Variants in PLAGL1 observed in about 807,000 individuals in gnomAD.
PLAGL1 encodes PLAG1 like zinc finger 1, also known as zinc finger protein PLAGL1.
In PLAGL1, 1 loss-of-function variant was observed where a neutral mutation model predicts 4.6. The ratio of observed to expected loss-of-function variants is 0.22; its 90% CI spans 0.08 to 1.03. PLAGL1 has a LOEUF of 1.03. Among genes scored for constraint, PLAGL1 ranks in the 50% least tolerant of loss-of-function variants. The probability of loss-of-function intolerance (pLI) is 0.58; values close to 1 mark genes in which losing one functional copy is unlikely to be tolerated. For missense variants in PLAGL1, 464 were observed against 570.4 expected (o/e 0.81, Z 1.90); for synonymous variants, 240 against 237.8 (o/e 1.01, Z -0.08).
At position 144,005,520 on chromosome 6, in the gene PLAGL1, A is replaced by G. The variant is rs140774179; in HGVS notation, c.-584+2570T>C. Reference sequence around the variant, plus strand: ...AGCTTGATCTCATAACATAAAATATATACATCTCAATATATACATGTCTCA... The same window carrying G: ...AGCTTGATCTCATAACATAAAATATGTACATCTCAATATATACATGTCTCA... On this transcript the variant is annotated intron_variant, in intron 1 of 7. Coordinates refer to ENST00000674357, the MANE Select transcript of PLAGL1 (RefSeq NM_001317162.2). The surrounding 1 kb of genome is among the most constrained non-coding windows in gnomAD (Gnocchi z 4.6). 37 of 152,296 alleles carry G rather than the reference A, an allele frequency of 2.4e-4. No individual in the cohort carries two copies. The highest frequency in any genetic ancestry group is 8.9e-4 in the African/African-American group (37 of 41,576). The allele number at this position is 152,296 out of a possible 1,614,324, so 9.4% of individuals were successfully genotyped here. A position where few individuals can be genotyped will look rare whatever the true frequency, so the allele number is the denominator to read the frequency against.
At position 143,957,727 on chromosome 6, in the gene PLAGL1, G is replaced by A. The variant is rs775892561; in HGVS notation, c.-325+2742C>T. ...GCCTGGTTTGTGAGTGAAAATCACC[G>A]GAATGACCTTGAAGGATCTGAGATC... On this transcript the variant is annotated intron_variant, in intron 6 of 7. Coordinates refer to ENST00000674357, the MANE Select transcript of PLAGL1 (RefSeq NM_001317162.2). The surrounding 1 kb of genome is among the most constrained non-coding windows in gnomAD (Gnocchi z 4.2). Among the ~76,000 whole-genome samples, 47 of 152,136 alleles carry A rather than the reference G, an allele frequency of 3.1e-4. No homozygotes were observed. The highest frequency in any genetic ancestry group is 4.4e-4 in the Non-Finnish European group (30 of 68,022).
rs1583298116 is a variant in PLAGL1, at chr6:143,970,177, G to A, written c.-543-1199C>T. On this transcript the variant is annotated intron_variant, in intron 2 of 7. Transcript: ENST00000674357. This position sits in a 1 kb window ranked among gnomAD's most constrained non-coding sequence, Gnocchi z 5.8. The stretch of plus-strand genomic sequence containing the variant: ...GACCAAAAAGGCTGCTGTTGTATGT[G>A]TTTTTAAAATAACGAAACCATATCA... Among the ~76,000 whole-genome samples, 1 of 152,260 alleles carries A rather than the reference G, an allele frequency of 6.6e-6. No individual in the cohort carries two copies. The highest frequency in any genetic ancestry group is 1.9e-4 in the East Asian group (1 of 5,182).
intron 1 of PLAGL1, among the ~76,000 whole-genome samples, chr6:143,996,613 C>CTTTT (rs113499225): frequency 7.5e-6 from 1 of 133,646 alleles, no homozygotes; most frequent in African/African-American, 2.8e-5. Context: ...TATTTATTCC[C>CTTTT]TTTTTTTTTT....
rs1367520707 is a variant in PLAGL1, at chr6:144,063,281, T to C, written c.-151+1187A>G. Among the ~76,000 whole-genome samples, 1 of 152,174 alleles carries C rather than the reference T, an allele frequency of 6.6e-6. No homozygotes were observed. Among genetic ancestry groups the C allele is most frequent in the East Asian group, 1.9e-4 (1 of 5,196 alleles). On this transcript the variant is annotated intron_variant, in intron 1 of 3. Coordinates refer to the PLAGL1 transcript ENST00000437412. The surrounding 1 kb of genome is among the most constrained non-coding windows in gnomAD (Gnocchi z 5.7). Reference sequence around the variant, plus strand: ...TATTACAAGTTCTCTGGGGCCACTTTACAGATGATAAAACTGGGCTGAAAA... The same window carrying C: ...TATTACAAGTTCTCTGGGGCCACTTCACAGATGATAAAACTGGGCTGAAAA...
chr6:144,041,183 C>CTT (rs879857862), intron 1 of PLAGL1, among the ~76,000 whole-genome samples: 3,309 of 151,800 alleles, frequency 0.022, 121 homozygotes, highest in African/African-American at 0.073. Context: ...ACTATTCCAA[C>CTT]TTTCTATATA....
chr6:144,056,618 T>C lies in PLAGL1; in HGVS notation c.-151+7850A>G, dbSNP rs566568080. ...GGCTTCTTTCACTTAGTAATATGCA[T>C]TTAAGATTCCTCCATGTCCTTTCAT... is the stretch of plus-strand genomic sequence containing the variant. On this transcript the variant is annotated intron_variant, in intron 1 of 3. Coordinates refer to the PLAGL1 transcript ENST00000437412. The surrounding 1 kb of genome is among the most constrained non-coding windows in gnomAD (Gnocchi z 4.7). 6.6e-6 allele frequency among the ~76,000 whole-genome samples: 1 copy of C among 152,194 alleles called. No homozygotes were observed. The highest frequency in any genetic ancestry group is 2.1e-4 in the South Asian group (1 of 4,830).
At chr6:144,010,106 G>A (rs995752879), upstream of PLAGL1, among the ~76,000 whole-genome samples, 5 of 152,062 alleles carry the variant, frequency 3.3e-5, no homozygotes, top group East Asian at 1.9e-4. This position sits in a 1 kb window ranked among gnomAD's most constrained non-coding sequence, Gnocchi z 4.1. Context: ...TGTCTTCCAC[G>A]ATGGTTGAAC....
In PLAGL1 at chr6:143,990,125, T is replaced by C. The variant is rs1160969739; in HGVS notation, c.-583-4951A>G. ...TATGCTCTGATATTCCCCAATTTTT[T>C]TTTTTTTCTTTTTTGAGATGGAGTC... On this transcript the variant is annotated intron_variant, in intron 1 of 7. Coordinates refer to ENST00000674357, the MANE Select transcript of PLAGL1 (RefSeq NM_001317162.2). This position sits in a 1 kb window ranked among gnomAD's most constrained non-coding sequence, Gnocchi z 5.4. Among the ~76,000 whole-genome samples, 1 of 152,106 alleles carries C rather than the reference T, an allele frequency of 6.6e-6. No homozygotes were observed. The highest frequency in any genetic ancestry group is 6.6e-5 in the Admixed American group (1 of 15,266).
At position 143,954,001 on chromosome 6, in the gene PLAGL1, G is replaced by A. The variant is rs1393902142; in HGVS notation, c.-324-5541C>T. On this transcript the variant is annotated intron_variant, in intron 6 of 7. Transcript: ENST00000674357. This position sits in a 1 kb window ranked among gnomAD's most constrained non-coding sequence, Gnocchi z 5.1. The stretch of plus-strand genomic sequence containing the variant: ...CGCTATGGAGACTGTATGAAAGTGG[G>A]GGAGTAGCCTGACACAGGGTGAATG... 1.3e-5 allele frequency among the ~76,000 whole-genome samples: 2 copies of A among 152,176 alleles called. No individual in the cohort carries two copies. The highest frequency in any genetic ancestry group is 2.9e-5 in the Non-Finnish European group (2 of 68,044).
At chr6:143,998,926 A>C (rs186943409) in intron 1 of PLAGL1, among the ~76,000 whole-genome samples, 4 of 152,332 alleles carry the variant, frequency 2.6e-5, no homozygotes, top group Admixed American at 2.0e-4. Context: ...AAAGTAAGTT[A>C]GGACCAGACA....
rs1247826058 is a variant in PLAGL1 at position 144,040,973 on chromosome 6, G to A, written c.-151+23495C>T. Among the ~76,000 whole-genome samples, 3 of 152,154 alleles carry A rather than the reference G, an allele frequency of 2.0e-5. No individual in the cohort carries two copies. In the East Asian group the frequency reaches 5.8e-4, roughly 29 times the overall value. Reference sequence around the variant, plus strand: ...AATAATCTTTAAAACCCTTAGGTGGGAAAAAGAGAGAATATAGTAGTTAGA... The same window carrying A: ...AATAATCTTTAAAACCCTTAGGTGGAAAAAAGAGAGAATATAGTAGTTAGA... On this transcript the variant is annotated intron_variant, in intron 1 of 3. Coordinates refer to the PLAGL1 transcript ENST00000437412.
Position 143,965,579 on chromosome 6 carries a change from C to T in PLAGL1, c.-431+579G>A, listed in dbSNP as rs990500246. On this transcript the variant is annotated intron_variant, in intron 4 of 7. Coordinates refer to ENST00000674357, the MANE Select transcript of PLAGL1 (RefSeq NM_001317162.2). This position sits in a 1 kb window ranked among gnomAD's most constrained non-coding sequence, Gnocchi z 7.5. Reference sequence around the variant, plus strand: ...GATGGTCTCCTTGGGGTTTGAGGCACAAAGCCCCCTCTAGCTATTTTAGTT... The same window carrying T: ...GATGGTCTCCTTGGGGTTTGAGGCATAAAGCCCCCTCTAGCTATTTTAGTT... 2 of 152,166 alleles carry T rather than the reference C, an allele frequency of 1.3e-5. No individual in the cohort carries two copies. The highest frequency in any genetic ancestry group is 1.3e-4 in the Admixed American group (2 of 15,278). The allele number at this position is 152,166 out of a possible 1,614,324, so 9.4% of individuals were successfully genotyped here. A position where few individuals can be genotyped will look rare whatever the true frequency, so the allele number is the denominator to read the frequency against.
intron 1 of PLAGL1, among the ~76,000 whole-genome samples, chr6:144,029,080 A>G (rs1458049937): frequency 6.6e-6 from 1 of 152,220 alleles, no homozygotes; most frequent in Non-Finnish European, 1.5e-5. Context: ...GATATTATTT[A>G]TACGAGTTGC....
At chr6:144,054,788 T>C (rs865779570) in intron 1 of PLAGL1, among the ~76,000 whole-genome samples, 1 of 146,788 alleles carries the variant, frequency 6.8e-6, no homozygotes, top group Admixed American at 6.8e-5. Context: ...TGTGTGTGTG[T>C]GTGTGTGTGT....
Position 144,000,042 on chromosome 6 carries a change from C to CAA in PLAGL1, c.-584+8046_-584+8047dup, listed in dbSNP as rs1270306241. On this transcript the variant is annotated intron_variant, in intron 1 of 7. Transcript: ENST00000674357. The surrounding 1 kb of genome is among the most constrained non-coding windows in gnomAD (Gnocchi z 4.1). Reference sequence around the variant, plus strand: ...AGCAGAACTAGGAATTGAATGCAAGCAATCTGGCTTCACAGTCCAATAGAT... The same window carrying CAA: ...AGCAGAACTAGGAATTGAATGCAAGCAAAATCTGGCTTCACAGTCCAATAGAT... Among the ~76,000 whole-genome samples, 1 of 152,090 alleles carries CAA rather than the reference C, an allele frequency of 6.6e-6. No individual in the cohort carries two copies. Among genetic ancestry groups the CAA allele is most frequent in the Non-Finnish European group, 1.5e-5 (1 of 67,972 alleles).
rs1423449302 is a variant in PLAGL1, at chr6:143,971,184, T to C, written c.-543-2206A>G. Among the ~76,000 whole-genome samples, 3 of 152,006 alleles carry C rather than the reference T, an allele frequency of 2.0e-5. No individual in the cohort carries two copies. Among genetic ancestry groups the C allele is most frequent in the Non-Finnish European group, 2.9e-5 (2 of 67,976 alleles). On this transcript the variant is annotated intron_variant, in intron 2 of 7. Transcript: ENST00000674357. The surrounding 1 kb of genome is among the most constrained non-coding windows in gnomAD (Gnocchi z 4.7). ...GGTAATTTTTCTGTTTCATGAGAAA[T>C]CTAAAATCTCAGAATCACATCCCGC...
rs1785155362 is a variant in PLAGL1, at chr6:143,970,155, C to CA, written c.-543-1178dup. Among the ~76,000 whole-genome samples the CA allele has an allele frequency of 6.6e-6, 1 of 152,104 alleles. No individual in the cohort carries two copies. The highest frequency in any genetic ancestry group is 2.4e-5 in the African/African-American group (1 of 41,424). On this transcript the variant is annotated intron_variant, in intron 2 of 7. Coordinates refer to ENST00000674357, the MANE Select transcript of PLAGL1 (RefSeq NM_001317162.2). This position sits in a 1 kb window ranked among gnomAD's most constrained non-coding sequence, Gnocchi z 5.8. The stretch of plus-strand genomic sequence containing the variant: ...GAGTAGCCCACATTTGTGCCTTGAC[C>CA]AAAAAGGCTGCTGTTGTATGTGTTT...
rs1255337456 is a variant in PLAGL1 at position 143,952,956 on chromosome 6, G to A, written c.-324-4496C>T. On this transcript the variant is annotated intron_variant, in intron 6 of 7. Transcript: ENST00000674357. This position sits in a 1 kb window ranked among gnomAD's most constrained non-coding sequence, Gnocchi z 6.1. ...AGAAAGATGATATCCAGAACCTCCA[G>A]GTAGTCATGGCTGCCATGGCTGCAG... Among the ~76,000 whole-genome samples the A allele has an allele frequency of 2.6e-5, 4 of 152,344 alleles. No homozygotes were observed. The highest frequency in any genetic ancestry group is 9.6e-5 in the African/African-American group (4 of 41,588).
chr6:143,993,498 T>A (rs959754731), intron 1 of PLAGL1, among the ~76,000 whole-genome samples: 2 of 152,092 alleles, frequency 1.3e-5, no homozygotes, highest in Admixed American at 1.3e-4. Context: ...ACATTTCAGA[T>A]TTTGCAACTA....
Sources: allele counts gnomAD v4.1 joint callset (sites outside exome capture counted in the v4.1 genomes callset), GRCh38; gene constraint gnomAD v4.1.1; non-coding constraint Gnocchi (gnomAD v3.1); transcripts MANE v1.5; gene names NCBI Gene and HGNC (gene_info 2026-07-23, HGNC 2026-07-21).